HRH1: variants seen among roughly 807,000 people sequenced by gnomAD.
HRH1 encodes histamine receptor H1.
HRH1 carries 6 observed loss-of-function variants against 10.3 expected under a neutral mutation model. The ratio of observed to expected loss-of-function variants is 0.58; its 90% CI spans 0.32 to 1.15. The LOEUF (loss-of-function observed/expected upper bound fraction) is 1.15, where lower values mean the gene tolerates loss of function less well. Ranked by LOEUF, HRH1 falls within the 50% of genes most tolerant of loss-of-function variation. HRH1 has a pLI of 0.05. For synonymous variants in HRH1, 242 were observed against 236.7 expected (o/e 1.02, Z -0.21); for missense variants, 514 against 615.3 (o/e 0.84, Z 1.74).
intron 1 of HRH1, among the ~76,000 whole-genome samples, chr3:11,231,490 T>A (rs945902511): frequency 1.3e-5 from 2 of 152,250 alleles, no homozygotes; most frequent in Non-Finnish European, 2.9e-5. Flanking sequence ...GCAGTCTTCA[T>A]CAGCATTTGG....
At chr3:11,160,625 G>A (rs572602378) in intron 1 of HRH1, among the ~76,000 whole-genome samples, 53 of 151,586 alleles carry the variant, frequency 3.5e-4, no homozygotes, top group African/African-American at 9.2e-4. Flanking sequence ...TCTTTCCTAC[G>A]TCACCTGCAG....
At chr3:11,206,900 G>A (rs1938150338) in intron 1 of HRH1, among the ~76,000 whole-genome samples, 1 of 152,238 alleles carries the variant, frequency 6.6e-6, no homozygotes, top group South Asian at 2.1e-4. Flanking sequence ...AATAGGGTGG[G>A]AGAGCTGAGG....
chr3:11,258,971 T>C, intron 1 of HRH1, 32 bp from the exon 2 acceptor site: 2 of 1,506,388 alleles, frequency 1.3e-6, no homozygotes, highest in Non-Finnish European at 1.8e-6. Context: ...CACCCAAGTC[T>C]CTGACCTTAC....
intron 1 of HRH1, among the ~76,000 whole-genome samples, chr3:11,231,417 C>A (rs1939037619): frequency 6.6e-6 from 1 of 152,216 alleles, no homozygotes. Flanking sequence ...CTGCCATACT[C>A]TTCCAGAATG....
chr3:11,164,602 C>T (rs1273577185), intron 1 of HRH1, among the ~76,000 whole-genome samples: 4 of 152,150 alleles, frequency 2.6e-5, no homozygotes, highest in African/African-American at 7.2e-5. Flanking sequence ...TTCTCTGCCA[C>T]GTAGGGCTAC....
At chr3:11,141,419 G>T (rs771919396) in intron 1 of HRH1, among the ~76,000 whole-genome samples, 19 of 152,188 alleles carry the variant, frequency 1.2e-4, no homozygotes, top group Non-Finnish European at 2.1e-4. Context: ...AATTTGGGGG[G>T]TCAGGATTTC....
intron 1 of HRH1, among the ~76,000 whole-genome samples, chr3:11,214,371 T>C (rs1938423728): frequency 6.6e-6 from 1 of 152,166 alleles, no homozygotes; most frequent in African/African-American, 2.4e-5. Flanking sequence ...CAGAAGTTAT[T>C]AGTTGTTTAT....
At chr3:11,150,234 A>C (rs1936572970), upstream of HRH1, among the ~76,000 whole-genome samples, 1 of 152,274 alleles carries the variant, frequency 6.6e-6, no homozygotes, top group Non-Finnish European at 1.5e-5. Context: ...CTGGAGCTGA[A>C]ATAGGGCCAA....
chr3:11,165,548 C>G, intron 1 of HRH1, among the ~76,000 whole-genome samples: 1 of 152,092 alleles, frequency 6.6e-6, no homozygotes, highest in East Asian at 1.9e-4. Context: ...CTCTGTAGAT[C>G]GAAGCACAAA....
At chr3:11,209,004 T>G (rs962531995) in intron 1 of HRH1, among the ~76,000 whole-genome samples, 2 of 152,192 alleles carry the variant, frequency 1.3e-5, no homozygotes, top group African/African-American at 4.8e-5. Flanking sequence ...TCCTTCACCC[T>G]CAACTGCCTT....
intron 1 of HRH1, among the ~76,000 whole-genome samples, chr3:11,157,365 C>T (rs933790473): frequency 3.3e-5 from 5 of 152,098 alleles, no homozygotes; most frequent in African/African-American, 9.7e-5. Flanking sequence ...GCATTCAGGC[C>T]GGGAATTAGC....
chr3:11,196,598 G>A (rs1435693299), intron 1 of HRH1, among the ~76,000 whole-genome samples: 1 of 152,046 alleles, frequency 6.6e-6, no homozygotes, highest in East Asian at 1.9e-4. Flanking sequence ...TAGCACATGG[G>A]AGTTGCCCTA....
intron 1 of HRH1, among the ~76,000 whole-genome samples, chr3:11,174,203 A>G (rs779076026): frequency 1.1e-4 from 16 of 152,262 alleles, no homozygotes; most frequent in Admixed American, 4.6e-4. Flanking sequence ...CTGTCTCCCC[A>G]GCTAGACTGT....
chr3:11,181,777 G>A (rs1407931066), intron 1 of HRH1, among the ~76,000 whole-genome samples: 4 of 151,600 alleles, frequency 2.6e-5, no homozygotes, highest in Non-Finnish European at 4.4e-5. Context: ...GACTACAGGC[G>A]CCCGCCACTG....
chr3:11,179,371 A>G lies in HRH1; in HGVS notation c.-36+24817A>G, dbSNP rs1937307669. 2.6e-5 allele frequency among the ~76,000 whole-genome samples: 4 copies of G among 152,150 alleles called. 1 individual carries two copies. In the South Asian group the frequency reaches 8.3e-4, roughly 32 times the overall value. On this transcript the variant is annotated intron_variant, in intron 1 of 1. Transcript: ENST00000431010. ...CGCGGTGGCTCACGCCTGTAATGCTAGCACTTTGGGAGGCCGAGGTGGGTG... is the reference window on the plus strand; with the variant it reads ...CGCGGTGGCTCACGCCTGTAATGCTGGCACTTTGGGAGGCCGAGGTGGGTG...
At chr3:11,255,359 A>G (rs866511495) in intron 1 of HRH1, among the ~76,000 whole-genome samples, 16 of 152,230 alleles carry the variant, frequency 1.1e-4, no homozygotes, top group South Asian at 2.1e-4. Flanking sequence ...TCTGGAGGCC[A>G]GGGAGCTGAG....
At chr3:11,228,598 G>T (rs911507958) in intron 1 of HRH1, among the ~76,000 whole-genome samples, 8 of 151,946 alleles carry the variant, frequency 5.3e-5, no homozygotes, top group Admixed American at 5.2e-4. Context: ...CAAAGTCTAC[G>T]TGAAGGACAC....
In HRH1 at chr3:11,182,654, T is replaced by C. The variant is rs115358085; in HGVS notation, c.-36+28100T>C. On this transcript the variant is annotated intron_variant, in intron 1 of 1. Transcript: ENST00000431010. ...CATCTCAGTGTATGCATCTGTGAAATGGAGGGGAGGGAGGGTGCTGCAGCA... is the reference window on the plus strand; with the variant it reads ...CATCTCAGTGTATGCATCTGTGAAACGGAGGGGAGGGAGGGTGCTGCAGCA... 2.6e-3 allele frequency among the ~76,000 whole-genome samples: 389 copies of C among 152,224 alleles called. 2 individuals are homozygous for C. Among genetic ancestry groups the C allele is most frequent in the African/African-American group, 9.1e-3 (378 of 41,530 alleles).
At chr3:11,225,124 A>G (rs1938841013) in intron 1 of HRH1, among the ~76,000 whole-genome samples, 1 of 152,224 alleles carries the variant, frequency 6.6e-6, no homozygotes, top group African/African-American at 2.4e-5. Flanking sequence ...TTCAAAGCCA[A>G]ACTGAGGACT....
Sources: allele counts gnomAD v4.1 joint callset (sites outside exome capture counted in the v4.1 genomes callset), GRCh38; gene constraint gnomAD v4.1.1; transcripts MANE v1.5; gene names NCBI Gene and HGNC (gene_info 2026-07-23, HGNC 2026-07-21).